RPS6KC1: variants seen among roughly 807,000 people sequenced by gnomAD.
The protein encoded by RPS6KC1 is ribosomal protein S6 kinase C1.
In RPS6KC1, 54 loss-of-function variants were observed where a neutral mutation model predicts 103.8. The observed-to-expected ratio is 0.52, with a 90% confidence interval of 0.42 to 0.65. The LOEUF (loss-of-function observed/expected upper bound fraction) is 0.65, where lower values mean the gene tolerates loss of function less well. RPS6KC1 is among the 30% of genes least tolerant of loss of function. The pLI, the probability that RPS6KC1 is intolerant of heterozygous loss-of-function variation, is 0.00. For synonymous variants in RPS6KC1, 439 were observed against 438.7 expected (o/e 1.00, Z -0.01); for missense variants, 1,151 against 1,253.8 (o/e 0.92, Z 1.24).
the RPS6KC1 span, among the ~76,000 whole-genome samples, chr1:213,540,615 T>C: frequency 1.3e-5 from 2 of 152,178 alleles, no homozygotes; most frequent in Admixed American, 1.3e-4. Flanking sequence ...CTTCCTAAAG[T>C]GTTGGGATTG....
chr1:213,436,146 T>A, the RPS6KC1 span, among the ~76,000 whole-genome samples: 1 of 152,222 alleles, frequency 6.6e-6, no homozygotes, highest in Non-Finnish European at 1.5e-5. Context: ...GGCTTTCCAG[T>A]CCCTCTGGGT....
chr1:213,519,635 C>T, the RPS6KC1 span, among the ~76,000 whole-genome samples: 9 of 152,212 alleles, frequency 5.9e-5, no homozygotes, highest in Admixed American at 1.3e-4. Context: ...TACTAGAGAC[C>T]ACCCCTCCCC....
chr1:213,052,644 G>A (rs1380841990), intron 1 of RPS6KC1, among the ~76,000 whole-genome samples: 2 of 152,004 alleles, frequency 1.3e-5, no homozygotes, highest in African/African-American at 2.4e-5. Flanking sequence ...GAGTTCAAGC[G>A]ATTCTCCTAC....
the RPS6KC1 span, among the ~76,000 whole-genome samples, chr1:213,589,372 G>T: frequency 6.6e-6 from 1 of 152,144 alleles, no homozygotes; most frequent in African/African-American, 2.4e-5. Flanking sequence ...AGAGCTGGGC[G>T]CAGTGGCCTG....
chr1:213,786,836 A>G, the RPS6KC1 span, among the ~76,000 whole-genome samples: 103 of 152,164 alleles, frequency 6.8e-4, 1 homozygote, highest in Non-Finnish European at 1.3e-3. Flanking sequence ...TTGAATTCTC[A>G]TGGAATTAGA....
chr1:213,069,499 A>G (rs1398413742), intron 1 of RPS6KC1, among the ~76,000 whole-genome samples: 6 of 152,170 alleles, frequency 3.9e-5, no homozygotes, highest in Admixed American at 3.9e-4. Context: ...AGGAACTGTA[A>G]TTTGAACCAA....
intron 6 of RPS6KC1, among the ~76,000 whole-genome samples, chr1:213,151,789 C>G (rs1413773457): frequency 7.4e-6 from 1 of 135,662 alleles, no homozygotes; most frequent in Non-Finnish European, 1.6e-5. Flanking sequence ...GCTGACCCCC[C>G]CCACCTCCCT....
intron 4 of RPS6KC1, among the ~76,000 whole-genome samples, chr1:213,106,708 T>C (rs577426325): frequency 3.2e-4 from 48 of 152,294 alleles, no homozygotes; most frequent in African/African-American, 1.1e-3. Flanking sequence ...AAAAACCACA[T>C]ACATAAGAGT....
the RPS6KC1 span, among the ~76,000 whole-genome samples, chr1:213,547,214 C>G: frequency 1.3e-5 from 2 of 152,190 alleles, no homozygotes; most frequent in Non-Finnish European, 2.9e-5. Context: ...CTCAGCCATA[C>G]TCTTTTAATA....
the RPS6KC1 span, among the ~76,000 whole-genome samples, chr1:213,658,633 G>A: frequency 6.6e-6 from 1 of 152,240 alleles, no homozygotes; most frequent in African/African-American, 2.4e-5. Flanking sequence ...CGGATAAAAT[G>A]TTAATGTCTT....
chr1:213,527,517 C>T, the RPS6KC1 span, among the ~76,000 whole-genome samples: 1 of 152,158 alleles, frequency 6.6e-6, no homozygotes, highest in African/African-American at 2.4e-5. Context: ...TTCAGTCCTA[C>T]AACCATTGGG....
the RPS6KC1 span, among the ~76,000 whole-genome samples, chr1:213,439,847 G>GGGAGAGAGAGAGAGAGAA: frequency 3.7e-4 from 57 of 152,146 alleles, no homozygotes; most frequent in African/African-American, 1.3e-3. Context: ...GAGCAAGAGT[G>GGGAGAGAGAGAGAGAGAA]GGAGAGAGAG....
the RPS6KC1 span, among the ~76,000 whole-genome samples, chr1:213,408,260 C>T: frequency 6.6e-6 from 1 of 152,190 alleles, no homozygotes; most frequent in Non-Finnish European, 1.5e-5. Context: ...TCTTGTGTAG[C>T]TTACCATGAT....
At chr1:213,685,621 C>T in the RPS6KC1 span, among the ~76,000 whole-genome samples, 43,371 of 145,540 alleles carry the variant, frequency 0.3, 7,309 homozygotes, top group East Asian at 0.44. Flanking sequence ...AAAAGTGAGA[C>T]TCCATTTCAA....
intron 4 of RPS6KC1, among the ~76,000 whole-genome samples, chr1:213,114,276 A>G (rs1311158510): frequency 6.8e-6 from 1 of 147,404 alleles, no homozygotes; most frequent in Non-Finnish European, 1.5e-5. Flanking sequence ...GGTCCTTCAC[A>G]TCCCTTGTAA....
chr1:213,528,994 G>A, the RPS6KC1 span, among the ~76,000 whole-genome samples: 1 of 152,110 alleles, frequency 6.6e-6, no homozygotes, highest in Non-Finnish European at 1.5e-5. Context: ...AGTGATATAC[G>A]GAAGAGTTTT....
chr1:213,076,027 G>A (rs893757197), intron 2 of RPS6KC1, among the ~76,000 whole-genome samples: 8 of 152,138 alleles, frequency 5.3e-5, no homozygotes, highest in African/African-American at 1.9e-4. Flanking sequence ...GTGATGTGTT[G>A]GCTTATTCTT....
At chr1:213,257,786 CTTTTTTTTTTTT>C (rs71147062) in intron 12 of RPS6KC1, among the ~76,000 whole-genome samples, 14 of 49,420 alleles carry the variant, frequency 2.8e-4, no homozygotes, top group East Asian at 2.3e-3. Flanking sequence ...ACAGGTAAAA[CTTTTTTTTTTTT>C]TTTTTTTTTT....
chr1:213,468,663 A>G, the RPS6KC1 span, among the ~76,000 whole-genome samples: 5 of 152,168 alleles, frequency 3.3e-5, no homozygotes, highest in Non-Finnish European at 5.9e-5. Context: ...TATAGTGGTT[A>G]ATCCAGATCA....
Sources: allele counts gnomAD v4.1 joint callset (sites outside exome capture counted in the v4.1 genomes callset), GRCh38; gene constraint gnomAD v4.1.1; transcripts MANE v1.5; gene names NCBI Gene and HGNC (gene_info 2026-07-23, HGNC 2026-07-21).